The following NCOR2 variants were observed in gnomAD, a reference collection of about 807,000 sequenced individuals.
The protein encoded by NCOR2 is nuclear receptor corepressor 2.
In NCOR2, 81 loss-of-function variants were observed where a neutral mutation model predicts 262.9. The observed-to-expected ratio is 0.31, with a 90% CI of 0.26 to 0.37. NCOR2 has a LOEUF of 0.37. NCOR2 is among the 10% of genes least tolerant of loss of function. NCOR2 has a pLI of 1.00. For missense variants in NCOR2, 3,385 were observed against 3,621.4 expected (o/e 0.93, Z 1.68); for synonymous variants, 1,659 against 1,559.3 (o/e 1.06, Z -1.51).
rs1306660518 is a variant in NCOR2, at chr12:124,566,643, C to T, written c.-165+665G>A. Among the ~76,000 whole-genome samples, 2 of 152,212 alleles carry T rather than the reference C, an allele frequency of 1.3e-5. No homozygotes were observed. Among genetic ancestry groups the T allele is most frequent in the African/African-American group, 4.8e-5 (2 of 41,462 alleles). ...TGGCATCCCAAGTATCCGCACAGCC[C>T]GGGGGAGGGACTAGGAGGCGGCCCA... On this transcript the variant is annotated intron_variant, in intron 1 of 32. Coordinates refer to the NCOR2 transcript ENST00000458234. This position sits in a 1 kb window ranked among gnomAD's most constrained non-coding sequence, Gnocchi z 4.3.
In NCOR2 at chr12:124,378,332, C is replaced by T. The variant is rs778125767; in HGVS notation, c.2072G>A (p.Ser691Asn). 4.5e-5 allele frequency: 73 copies of T among 1,613,972 alleles called. No homozygotes were observed. The highest frequency in any genetic ancestry group is 5.9e-5 in the Non-Finnish European group (70 of 1,179,918). ...CACGGGCGGGAATGCAGCCTCCTCGCTGGCCGCCGCCGGCGCTTTCTTCTT... is the reference window on the plus strand; with the variant it reads ...CACGGGCGGGAATGCAGCCTCCTCGTTGGCCGCCGCCGGCGCTTTCTTCTT... The change falls in exon 18 of 47, where the codon AGC (serine) becomes AAC (asparagine). Residue 691 changes from serine to asparagine, a missense_variant. Transcript: ENST00000405201. This position sits in a 1 kb window ranked among gnomAD's most constrained non-coding sequence, Gnocchi z 4.2.
chr12:124,445,164 G>T lies in NCOR2; in HGVS notation c.815+4651C>A, dbSNP rs77879052. ...GGTGAACCAGGGCAACCCCCGGGCAGGCAGAGGCAGAATGTGCCTGAGCGC... is the reference window on the plus strand; with the variant it reads ...GGTGAACCAGGGCAACCCCCGGGCATGCAGAGGCAGAATGTGCCTGAGCGC... On this transcript the variant is annotated intron_variant, in intron 7 of 46. Coordinates refer to ENST00000405201, the Ensembl canonical transcript of NCOR2. 6.7e-3 allele frequency among the ~76,000 whole-genome samples: 1,016 copies of T among 152,346 alleles called. 9 individuals are homozygous for T. The highest frequency in any genetic ancestry group is 0.023 in the African/African-American group (968 of 41,578).
intron 3 of NCOR2, among the ~76,000 whole-genome samples, chr12:124,473,787 A>G (rs2136703670): frequency 6.6e-6 from 1 of 152,074 alleles, no homozygotes; most frequent in African/African-American, 2.4e-5. Flanking sequence ...AGTCTTGGGT[A>G]TGTCTTTATC....
chr12:124,476,701 G>T (rs1420516155), intron 3 of NCOR2, among the ~76,000 whole-genome samples: 1 of 152,156 alleles, frequency 6.6e-6, no homozygotes, highest in Non-Finnish European at 1.5e-5. Flanking sequence ...GTCTTTAATG[G>T]GTTCTTCTTT....
chr12:124,529,115 G>A (rs61095423), intron 1 of NCOR2, among the ~76,000 whole-genome samples: 8,430 of 140,572 alleles, frequency 0.06, 761 homozygotes, highest in African/African-American at 0.22. Flanking sequence ...GGAGGCGGAG[G>A]TTGCAGTGAG....
At chr12:124,470,427 C>T (rs902537700) in intron 4 of NCOR2, among the ~76,000 whole-genome samples, 1 of 152,196 alleles carries the variant, frequency 6.6e-6, no homozygotes, top group African/African-American at 2.4e-5. Flanking sequence ...CAGCACTATT[C>T]ACAACAGCCA....
intron 7 of NCOR2, among the ~76,000 whole-genome samples, chr12:124,439,519 A>G (rs1008612814): frequency 2.7e-5 from 4 of 148,456 alleles, no homozygotes; most frequent in African/African-American, 1.0e-4. Flanking sequence ...AGAGAGAGAG[A>G]GACGGAGACA....
At chr12:124,374,651 C>T (rs1039605624) in intron 18 of NCOR2, among the ~76,000 whole-genome samples, 188 bp from the exon 21 acceptor site, 1 of 152,232 alleles carries the variant, frequency 6.6e-6, no homozygotes, top group Non-Finnish European at 1.5e-5. Flanking sequence ...GGGCTCTGGC[C>T]AGCGGCCACA....
chr12:124,392,466 C>G (rs921037934), intron 16 of NCOR2, among the ~76,000 whole-genome samples: 5 of 152,156 alleles, frequency 3.3e-5, no homozygotes, highest in Non-Finnish European at 7.3e-5. Context: ...GGCACCGCAC[C>G]GTCCCTGCCT....
chr12:124,432,879 C>T lies in NCOR2; in HGVS notation c.883-2092G>A, dbSNP rs978592449. 2.1e-4 allele frequency among the ~76,000 whole-genome samples: 5 copies of T among 23,570 alleles called. No individual in the cohort carries two copies. The highest frequency in any genetic ancestry group is 9.5e-4 in the Admixed American group (2 of 2,110). The allele number at this position is 23,570 out of a possible 152,430, so 15.5% of individuals were successfully genotyped here. On this transcript the variant is annotated intron_variant, in intron 8 of 46. Coordinates refer to ENST00000405201, the Ensembl canonical transcript of NCOR2. This position sits in a 1 kb window ranked among gnomAD's most constrained non-coding sequence, Gnocchi z 5.1. ...GGCGGCGGGGGGCGGGGGGTGGGGGCGGGGAAGGGGACGCAGGGCGAGCCA... is the reference window on the plus strand; with the variant it reads ...GGCGGCGGGGGGCGGGGGGTGGGGGTGGGGAAGGGGACGCAGGGCGAGCCA...
intron 1 of NCOR2, among the ~76,000 whole-genome samples, chr12:124,528,222 C>T (rs181525442): frequency 7.2e-4 from 110 of 152,270 alleles, no homozygotes; most frequent in African/African-American, 2.5e-3. Flanking sequence ...GACTATGAGA[C>T]GGAAGGAGAC....
chr12:124,487,114 TAAAAACAG>T (rs748663929), intron 1 of NCOR2, among the ~76,000 whole-genome samples: 2 of 152,186 alleles, frequency 1.3e-5, no homozygotes, highest in Non-Finnish European at 2.9e-5. Flanking sequence ...GCATTATTTG[TAAAAACAG>T]AAATGCATTT....
intron 1 of NCOR2, among the ~76,000 whole-genome samples, chr12:124,561,234 G>A (rs1451447759): frequency 1.3e-5 from 2 of 152,206 alleles, no homozygotes; most frequent in Admixed American, 6.5e-5. Context: ...GTGGGAAGAC[G>A]GCTCCGTATA....
Position 124,438,003 on chromosome 12 carries a change from AGGAG to A in NCOR2, c.816-11_816-8del. On this transcript the variant is annotated splice_region_variant and splice_polypyrimidine_tract_variant and intron_variant, in intron 7 of 46. Transcript: ENST00000405201. Reference sequence around the variant, plus strand: ...CTTCCGCATCGCCTGGTTTCTGTGCAGGAGGGAAGCGGCAGACAGGTCAGCCCGG... The same window carrying A: ...CTTCCGCATCGCCTGGTTTCTGTGCAGGAAGCGGCAGACAGGTCAGCCCGG... 1 of 1,607,856 alleles carries A rather than the reference AGGAG, an allele frequency of 6.2e-7. No individual in the cohort carries two copies.
At chr12:124,429,616 C>T in exon 10 of NCOR2, 1 of 1,601,780 alleles carries the variant, frequency 6.2e-7, no homozygotes, top group Non-Finnish European at 8.5e-7. Flanking sequence ...GACTCACCTC[C>T]TGCTCTGAGA....
chr12:124,399,646 C>T (rs902641177), intron 15 of NCOR2, among the ~76,000 whole-genome samples: 1 of 152,156 alleles, frequency 6.6e-6, no homozygotes, highest in African/African-American at 2.4e-5. Context: ...GTGCATGACC[C>T]GGACCCCAGG....
At chr12:124,559,707 G>C (rs899557169) in intron 1 of NCOR2, among the ~76,000 whole-genome samples, 1 of 152,214 alleles carries the variant, frequency 6.6e-6, no homozygotes, top group South Asian at 2.1e-4. Context: ...GAAAAAAAAT[G>C]AGAGACAAAC....
Position 124,432,353 on chromosome 12 carries a change from T to G in NCOR2, c.883-1566A>C, listed in dbSNP as rs2044009143. On this transcript the variant is annotated intron_variant, in intron 8 of 46. Transcript: ENST00000405201. This position sits in a 1 kb window ranked among gnomAD's most constrained non-coding sequence, Gnocchi z 5.1. ...AGGACACGGTCACCTCCCTTCCTGG[T>G]GAACCGGCCACCCAGACCTGGCCTC... is the stretch of plus-strand genomic sequence containing the variant. Among the ~76,000 whole-genome samples the G allele has an allele frequency of 6.6e-6, 1 of 152,216 alleles. No homozygotes were observed. The highest frequency in any genetic ancestry group is 2.4e-5 in the African/African-American group (1 of 41,450).
At chr12:124,381,065 CT>C (rs2040376545) in intron 17 of NCOR2, among the ~76,000 whole-genome samples, 1 of 152,176 alleles carries the variant, frequency 6.6e-6, no homozygotes, top group Non-Finnish European at 1.5e-5. Flanking sequence ...ATGCCACCCC[CT>C]GCTTCAAACT....
Sources: gnomAD v4.1 joint callset for allele counts (sites outside exome capture counted in the v4.1 genomes callset) on GRCh38, gnomAD v4.1.1 for gene constraint, Gnocchi (gnomAD v3.1) non-coding constraint, MANE v1.5 for transcripts, NCBI Gene and HGNC (gene_info 2026-07-23, HGNC 2026-07-21) for gene names.